The following RFX2 variants were observed in gnomAD, a reference collection of about 807,000 sequenced individuals.
The protein encoded by RFX2 is DNA-binding protein RFX2.
In RFX2, 20 loss-of-function variants were observed where a neutral mutation model predicts 87.8. That is an observed-to-expected ratio of 0.23 (90% CI 0.16 to 0.33). RFX2 has a LOEUF of 0.33. RFX2 is among the 10% of genes least tolerant of loss of function. The pLI is 1.00. For missense variants in RFX2, 767 were observed against 1,012.3 expected, an observed-to-expected ratio of 0.76 and a Z score of 3.29; for synonymous variants, 397 against 431.3, an observed-to-expected ratio of 0.92 and a Z score of 0.98.
Position 6,064,726 on chromosome 19 carries a change from C to T in RFX2, c.-8-17222G>A, listed in dbSNP as rs566814647. On this transcript the variant is annotated intron_variant, in intron 1 of 17. Coordinates refer to ENST00000303657, the MANE Select transcript of RFX2 (RefSeq NM_000635.4). This position sits in a 1 kb window ranked among gnomAD's most constrained non-coding sequence, Gnocchi z 4.8. The stretch of plus-strand genomic sequence containing the variant: ...CAACAGGCAGTGCATGTTCTTTCCA[C>T]ATCTCCATGACTGATTCTGGCCAGG... Among the ~76,000 whole-genome samples the T allele has an allele frequency of 6.6e-6, 1 of 152,370 alleles. No homozygotes were observed. Among genetic ancestry groups the T allele is most frequent in the Non-Finnish European group, 1.5e-5 (1 of 68,038 alleles).
At chr19:6,015,463 C>T (rs1426765233) in intron 7 of RFX2, among the ~76,000 whole-genome samples, 1 of 151,120 alleles carries the variant, frequency 6.6e-6, no homozygotes, top group Non-Finnish European at 1.5e-5. Flanking sequence ...AAATCCAGCT[C>T]TGCTGGATAA....
At chr19:6,000,853 G>A (rs1342202723) in intron 15 of RFX2, among the ~76,000 whole-genome samples, 2 of 152,238 alleles carry the variant, frequency 1.3e-5, no homozygotes, top group African/African-American at 2.4e-5. Flanking sequence ...TCATCCATGC[G>A]CTGGGTCACG....
Position 6,061,036 on chromosome 19 carries a change from G to T in RFX2, c.-8-13532C>A, listed in dbSNP as rs114302463. ...TCCTCTTGCGTTTCCTAAGCCAGGG[G>T]GCTGTTCAAGGCACTGGGCATCTCC... On this transcript the variant is annotated intron_variant, in intron 1 of 17. Coordinates refer to ENST00000303657, the MANE Select transcript of RFX2 (RefSeq NM_000635.4). This position sits in a 1 kb window ranked among gnomAD's most constrained non-coding sequence, Gnocchi z 5.2. Among the ~76,000 whole-genome samples the T allele has an allele frequency of 0.015, 2,209 of 152,240 alleles. 56 individuals carry two copies. Among genetic ancestry groups the T allele is most frequent in the African/African-American group, 0.05 (2,078 of 41,520 alleles).
Position 6,083,649 on chromosome 19 carries a change from T to G in RFX2, c.-9+26744A>C, listed in dbSNP as rs919750863. On this transcript the variant is annotated intron_variant, in intron 1 of 17. Transcript: ENST00000303657. This position sits in a 1 kb window ranked among gnomAD's most constrained non-coding sequence, Gnocchi z 4.6. Reference sequence around the variant, plus strand: ...GTGCAGTGGTGCAAACATGGCTCACTGCAGCCTCCACTTCCAGAGCTCAAG... The same window carrying G: ...GTGCAGTGGTGCAAACATGGCTCACGGCAGCCTCCACTTCCAGAGCTCAAG... Among the ~76,000 whole-genome samples the G allele has an allele frequency of 4.6e-5, 7 of 151,620 alleles. No homozygotes were observed. The highest frequency in any genetic ancestry group is 3.3e-4 in the Admixed American group (5 of 15,184).
chr19:6,023,977 G>A lies in RFX2; in HGVS notation c.597+2186C>T, dbSNP rs374808350. 1.4e-4 allele frequency among the ~76,000 whole-genome samples: 22 copies of A among 152,132 alleles called. No homozygotes were observed. In the East Asian group the frequency reaches 2.5e-3, roughly 17 times the overall value. ...GTATTTTTGGTAGAGATGGGGTTTC[G>A]TCATGTTGGTCAGGCTGGTCTGGAA... On this transcript the variant is annotated intron_variant, in intron 6 of 17. Transcript: ENST00000303657. This position sits in a 1 kb window ranked among gnomAD's most constrained non-coding sequence, Gnocchi z 4.9.
At position 6,007,612 on chromosome 19, in the gene RFX2, G is replaced by A. The variant is rs2086600090; in HGVS notation, c.1247+78C>T. 1.3e-5 allele frequency: 11 copies of A among 823,086 alleles called. No homozygotes were observed. The highest frequency in any genetic ancestry group is 1.2e-4 in the South Asian group (8 of 66,998). 51.0% of individuals were successfully genotyped at this position (823,086 alleles called of 1,614,324 possible). The stretch of plus-strand genomic sequence containing the variant: ...TGATTCTTGGAGAGCTGAGGCTTTC[G>A]TTTGTGGGTTACCTGTGGACGTCAG... On this transcript the variant is annotated intron_variant, in intron 11 of 17. Coordinates refer to ENST00000303657, the MANE Select transcript of RFX2 (RefSeq NM_000635.4). The surrounding 1 kb of genome is among the most constrained non-coding windows in gnomAD (Gnocchi z 8.2).
chr19:6,108,882 G>A (rs1355712321), intron 1 of RFX2, among the ~76,000 whole-genome samples: 1 of 152,110 alleles, frequency 6.6e-6, no homozygotes, highest in Non-Finnish European at 1.5e-5. Flanking sequence ...CACTAGGATC[G>A]GGAAATCCAA....
intron 1 of RFX2, among the ~76,000 whole-genome samples, chr19:6,097,721 T>G (rs1409419601): frequency 6.6e-6 from 1 of 152,140 alleles, no homozygotes. Flanking sequence ...TAGCTGGGAC[T>G]ACAAGTGTGC....
intron 1 of RFX2, among the ~76,000 whole-genome samples, chr19:6,089,126 C>T (rs1453916918): frequency 6.6e-6 from 1 of 152,138 alleles, no homozygotes; most frequent in Non-Finnish European, 1.5e-5. Flanking sequence ...GCTAGTTTGC[C>T]CACTCTGTAT....
Position 6,004,327 on chromosome 19 carries a change from G to A in RFX2, c.1403-29C>T. The A allele has an allele frequency of 1.9e-6, 3 of 1,574,698 alleles. No homozygotes were observed. Among genetic ancestry groups the A allele is most frequent in the Non-Finnish European group, 1.7e-6 (2 of 1,144,142 alleles). ...GGGGATACAGACCATGATATTACCA[G>A]GGAGAAAGGCAGTGACTGGACCCTG... On this transcript the variant is annotated intron_variant, in intron 12 of 17. Coordinates refer to ENST00000303657, the MANE Select transcript of RFX2 (RefSeq NM_000635.4). The surrounding 1 kb of genome is among the most constrained non-coding windows in gnomAD (Gnocchi z 4.8).
Position 6,044,314 on chromosome 19 carries a change from C to T in RFX2, c.91-32G>A. ...GGGAAGGGAGAGAAGGCCAGTTAGA[C>T]TTGTCAGAGGTCAGTGCTGAGGATA... On this transcript the variant is annotated intron_variant, in intron 2 of 17. Coordinates refer to ENST00000303657, the MANE Select transcript of RFX2 (RefSeq NM_000635.4). The surrounding 1 kb of genome is among the most constrained non-coding windows in gnomAD (Gnocchi z 5.3). 7.2e-7 allele frequency: 1 copy of T among 1,388,654 alleles called. No individual in the cohort carries two copies. 86.0% of individuals were successfully genotyped at this position (1,388,654 alleles called of 1,614,324 possible). A position where few individuals can be genotyped will look rare whatever the true frequency, so the allele number is the denominator to read the frequency against.
chr19:6,014,692 C>T (rs2086701945), intron 7 of RFX2, among the ~76,000 whole-genome samples: 1 of 152,168 alleles, frequency 6.6e-6, no homozygotes, highest in Non-Finnish European at 1.5e-5. Flanking sequence ...CAGGGGAGGC[C>T]CCTCCAGGAG....
chr19:6,060,208 C>T (rs2087407881), intron 1 of RFX2, among the ~76,000 whole-genome samples: 1 of 152,198 alleles, frequency 6.6e-6, no homozygotes, highest in African/African-American at 2.4e-5. Flanking sequence ...ATCTCACATC[C>T]AGACTGTCTA....
chr19:6,095,348 A>G (rs8108512), intron 1 of RFX2, among the ~76,000 whole-genome samples: 12,636 of 152,218 alleles, frequency 0.083, 1,774 homozygotes, highest in African/African-American at 0.29. Flanking sequence ...GTAAGAACTC[A>G]TGTAATTTTG....
intron 1 of RFX2, among the ~76,000 whole-genome samples, chr19:6,103,206 T>C (rs75093002): frequency 0.027 from 4,113 of 152,314 alleles, 139 homozygotes; most frequent in African/African-American, 0.079. Flanking sequence ...GTAGCAGGTG[T>C]AAATGGACTG....
chr19:6,047,210 G>T lies in RFX2; in HGVS notation c.90+197C>A, dbSNP rs2087203168. Among the ~76,000 whole-genome samples the T allele has an allele frequency of 6.6e-6, 1 of 152,158 alleles. No homozygotes were observed. Among genetic ancestry groups the T allele is most frequent in the South Asian group, 2.1e-4 (1 of 4,826 alleles). On this transcript the variant is annotated intron_variant, in intron 2 of 17. Transcript: ENST00000303657. This position sits in a 1 kb window ranked among gnomAD's most constrained non-coding sequence, Gnocchi z 4.2. ...ATTCATGTCATTGTTTCCTTGATGG[G>T]ATCTTTTTAACAAATATTGAAAAAG...
intron 1 of RFX2, among the ~76,000 whole-genome samples, chr19:6,080,612 A>G (rs116105499): frequency 0.014 from 2,136 of 152,222 alleles, 37 homozygotes; most frequent in African/African-American, 0.048. Context: ...CTGAGCTGGG[A>G]CCTGACAGCT....
intron 5 of RFX2, among the ~76,000 whole-genome samples, chr19:6,035,378 A>C (rs1410998380): frequency 2.0e-5 from 3 of 152,220 alleles, no homozygotes; most frequent in Non-Finnish European, 4.4e-5. Flanking sequence ...TAAAACTCCC[A>C]CTTTAGTTTC....
In RFX2 at chr19:6,047,695, G is replaced by A. The variant is rs1286251934; in HGVS notation, c.-8-191C>T. ...GCTGCACAACTGTCCCACAGAAGGA[G>A]AGAGGGGCCAGAGAAAGTTTTCCAA... On this transcript the variant is annotated intron_variant, in intron 1 of 17. Transcript: ENST00000303657. This position sits in a 1 kb window ranked among gnomAD's most constrained non-coding sequence, Gnocchi z 4.2. Among the ~76,000 whole-genome samples the A allele has an allele frequency of 6.6e-6, 1 of 152,232 alleles. No individual in the cohort carries two copies. Among genetic ancestry groups the A allele is most frequent in the Non-Finnish European group, 1.5e-5 (1 of 68,042 alleles).
Sources: gnomAD v4.1 joint callset for allele counts (sites outside exome capture counted in the v4.1 genomes callset) on GRCh38, gnomAD v4.1.1 for gene constraint, Gnocchi (gnomAD v3.1) non-coding constraint, MANE v1.5 for transcripts, NCBI Gene and HGNC (gene_info 2026-07-23, HGNC 2026-07-21) for gene names.